MBD5: variants seen among roughly 807,000 people sequenced by gnomAD.
MBD5 encodes methyl-CpG-binding domain protein 5.
In MBD5, 13 loss-of-function variants were observed where a neutral mutation model predicts 117.3. The observed-to-expected ratio is 0.11, with a 90% CI of 0.07 to 0.18. MBD5 has a LOEUF of 0.18. Among genes scored for constraint, MBD5 ranks in the 10% least tolerant of loss-of-function variants. MBD5 has a pLI of 1.00. For synonymous variants in MBD5, 727 were observed against 766.4 expected (o/e 0.95, Z 0.85); for missense variants, 1,879 against 2,093.8 (o/e 0.90, Z 2.00).
chr2:148,141,971 G>A (rs1178422036), intron 1 of MBD5, among the ~76,000 whole-genome samples: 1 of 151,490 alleles, frequency 6.6e-6, no homozygotes, highest in Non-Finnish European at 1.5e-5. Flanking sequence ...CCAAGGCACT[G>A]TCTCAATAAT....
intron 4 of MBD5, among the ~76,000 whole-genome samples, chr2:148,372,274 A>G (rs1365016847): frequency 6.6e-6 from 1 of 152,140 alleles, no homozygotes; most frequent in African/African-American, 2.4e-5. Context: ...AAGTGTTAAC[A>G]ACAAATACAA....
chr2:148,262,261 C>T (rs184143701), intron 3 of MBD5, among the ~76,000 whole-genome samples: 38 of 152,072 alleles, frequency 2.5e-4, no homozygotes, highest in Admixed American at 1.6e-3. Context: ...TGTGCCTATA[C>T]ATTTATTCCT....
intron 4 of MBD5, among the ~76,000 whole-genome samples, chr2:148,416,421 G>A (rs1705419910): frequency 6.6e-6 from 1 of 152,128 alleles, no homozygotes; most frequent in East Asian, 1.9e-4. Flanking sequence ...AGTGGCTGCA[G>A]AATCCATGCT....
At chr2:148,055,992 G>A (rs1694852196) in intron 1 of MBD5, 1 of 152,168 alleles carries the variant, frequency 6.6e-6, no homozygotes, top group South Asian at 2.1e-4. Flanking sequence ...GATTTTGATG[G>A]AATTGATCTA....
chr2:148,281,827 T>C (rs925142235), intron 3 of MBD5, among the ~76,000 whole-genome samples: 11 of 152,186 alleles, frequency 7.2e-5, no homozygotes, highest in African/African-American at 2.7e-4. Flanking sequence ...TTTTTTCAGC[T>C]TCTTTTCACA....
At chr2:148,156,680 A>G (rs1412413006) in intron 1 of MBD5, among the ~76,000 whole-genome samples, 8 of 152,194 alleles carry the variant, frequency 5.3e-5, no homozygotes, top group Non-Finnish European at 1.2e-4. Flanking sequence ...ATATTTTAGC[A>G]TAGCGCCTTT....
intron 10 of MBD5, 61 bp from the exon 11 acceptor site, chr2:148,489,325 T>G (rs1172212768): frequency 6.2e-7 from 1 of 1,600,606 alleles, no homozygotes; most frequent in African/African-American, 1.4e-5. Flanking sequence ...TTATAGTCTT[T>G]CTCTTTGAGG....
At chr2:148,106,804 T>A (rs550716278) in intron 1 of MBD5, among the ~76,000 whole-genome samples, 37 of 152,064 alleles carry the variant, frequency 2.4e-4, no homozygotes, top group Non-Finnish European at 5.4e-4. Flanking sequence ...AAGGCCTTAA[T>A]GCAGAATATT....
intron 3 of MBD5, among the ~76,000 whole-genome samples, chr2:148,308,484 G>GTTCT (rs1209647855): frequency 1.3e-3 from 139 of 104,568 alleles, no homozygotes; most frequent in Middle Eastern, 5.2e-3. Context: ...TTTTGATGGG[G>GTTCT]TTCTTTCTTT....
chr2:148,199,060 G>A (rs917390186), intron 2 of MBD5, among the ~76,000 whole-genome samples: 5 of 152,060 alleles, frequency 3.3e-5, no homozygotes, highest in African/African-American at 1.2e-4. Context: ...ATTGGCTTAA[G>A]CAACTAAGGG....
chr2:148,054,807 A>G (rs1193843782), intron 1 of MBD5: 1 of 152,246 alleles, frequency 6.6e-6, no homozygotes, highest in African/African-American at 2.4e-5. Context: ...ATCACAGTGT[A>G]TGCTTATGTT....
chr2:148,236,837 T>C (rs1700101670), intron 3 of MBD5, among the ~76,000 whole-genome samples: 1 of 152,098 alleles, frequency 6.6e-6, no homozygotes, highest in Non-Finnish European at 1.5e-5. Context: ...TTCTTCCAAT[T>C]GAAGGCTGTT....
chr2:148,145,504 A>C (rs1697433667), intron 1 of MBD5, among the ~76,000 whole-genome samples: 1 of 152,182 alleles, frequency 6.6e-6, no homozygotes, highest in African/African-American at 2.4e-5. Context: ...GAGTGGTGAG[A>C]GAGGGCATCC....
At chr2:148,243,424 A>C (rs1700264482) in intron 3 of MBD5, among the ~76,000 whole-genome samples, 1 of 152,100 alleles carries the variant, frequency 6.6e-6, no homozygotes, top group African/African-American at 2.4e-5. Context: ...ATTAAAAATA[A>C]ATTACCTAAG....
intron 1 of MBD5, among the ~76,000 whole-genome samples, chr2:148,098,012 AAATT>A (rs1696112157): frequency 2.0e-5 from 3 of 152,314 alleles, no homozygotes. Flanking sequence ...AGGTGTTTAG[AAATT>A]AATTCTGATG....
intron 1 of MBD5, among the ~76,000 whole-genome samples, chr2:148,099,323 G>T (rs1316539178): frequency 6.6e-6 from 1 of 152,076 alleles, no homozygotes; most frequent in Non-Finnish European, 1.5e-5. Context: ...AAAGAAAATT[G>T]TGATACATCT....
At chr2:148,399,593 C>T (rs1704851042) in intron 4 of MBD5, among the ~76,000 whole-genome samples, 1 of 152,178 alleles carries the variant, frequency 6.6e-6, no homozygotes, top group South Asian at 2.1e-4. Context: ...ATCATGTCAT[C>T]TGCAAACAGG....
chr2:148,298,847 C>A (rs4972352), intron 3 of MBD5, among the ~76,000 whole-genome samples: 143,570 of 152,290 alleles, frequency 0.94, 68,196 homozygotes, highest in East Asian at 1. Context: ...ACAACCTAAC[C>A]TAAGTACACC....
chr2:148,510,140 G>A lies in MBD5; in HGVS notation c.5112+5G>A. On this transcript the variant is annotated splice_donor_5th_base_variant and intron_variant, in intron 13 of 13. Coordinates refer to ENST00000642680, the MANE Select transcript of MBD5 (RefSeq NM_001378120.1). Reference sequence around the variant, plus strand: ...CTGGACAAAATGTCTGGGACTGTAAGTTAATTTATTTTTCCATTATACTAC... The same window carrying A: ...CTGGACAAAATGTCTGGGACTGTAAATTAATTTATTTTTCCATTATACTAC... 6.3e-7 allele frequency: 1 copy of A among 1,598,298 alleles called. No homozygotes were observed. The highest frequency in any genetic ancestry group is 8.6e-7 in the Non-Finnish European group (1 of 1,166,006).
Sources: gnomAD v4.1 joint callset for allele counts (sites outside exome capture counted in the v4.1 genomes callset) on GRCh38, gnomAD v4.1.1 for gene constraint, MANE v1.5 for transcripts, NCBI Gene and HGNC (gene_info 2026-07-23, HGNC 2026-07-21) for gene names.